The following SMIM10L1 variants were observed in gnomAD, a reference collection of about 807,000 sequenced individuals.
SMIM10L1 encodes the protein small integral membrane protein 10 like 1, also known as small integral membrane protein 10-like protein 1.
In SMIM10L1, 6 loss-of-function variants were observed where a neutral mutation model predicts 4.5. That is an observed-to-expected ratio of 1.33 (90% CI 0.73 to 2.62). SMIM10L1 has a LOEUF of 2.62. Among genes scored for constraint, SMIM10L1 ranks in the 30% most tolerant of loss-of-function variants. The pLI is 0.00. For missense variants in SMIM10L1, 66 were observed against 86.2 expected (o/e 0.77, Z 0.93); for synonymous variants, 49 against 42.2 (o/e 1.16, Z -0.63).
rs1166301654 is a variant in SMIM10L1, at chr12:11,174,854, ATT to A, written c.*3295_*3296del. 1 of 152,512 alleles carries A rather than the reference ATT, an allele frequency of 6.6e-6. No individual in the cohort carries two copies. The highest frequency in any genetic ancestry group is 1.5e-5 in the Non-Finnish European group (1 of 67,990). 9.4% of individuals were successfully genotyped at this position (152,512 alleles called of 1,614,324 possible). On this transcript the variant is annotated 3_prime_UTR_variant, in exon 1 of 1. Coordinates refer to ENST00000622602, the MANE Select transcript of SMIM10L1 (RefSeq NM_001271592.2). Reference sequence around the variant, plus strand: ...CTCACATATACCCTGTGAGGAAAACATTTTTATCATTTTTCAGAGAAGCAAAC... The same window carrying A: ...CTCACATATACCCTGTGAGGAAAACATTTATCATTTTTCAGAGAAGCAAAC...
At position 11,173,050 on chromosome 12, in the gene SMIM10L1, T is replaced by G. The variant is rs1416685984; in HGVS notation, c.*1487T>G. ...TAAAGTTTTAAATCAAGATCTGATA[T>G]AGAAAAGTGCAGAAAAAGTAGTATA... On this transcript the variant is annotated 3_prime_UTR_variant, in exon 1 of 1. Coordinates refer to ENST00000622602, the MANE Select transcript of SMIM10L1 (RefSeq NM_001271592.2). 1 of 151,938 alleles carries G rather than the reference T, an allele frequency of 6.6e-6. No homozygotes were observed. Among genetic ancestry groups the G allele is most frequent in the African/African-American group, 2.4e-5 (1 of 41,380 alleles). The allele number at this position is 151,938 out of a possible 1,614,324, so 9.4% of individuals were successfully genotyped here.
rs913344850 is a variant in SMIM10L1, at chr12:11,175,939, C to T, written c.*4376C>T. 4 of 152,126 alleles carry T rather than the reference C, an allele frequency of 2.6e-5. No homozygotes were observed. Among genetic ancestry groups the T allele is most frequent in the East Asian group, 1.9e-4 (1 of 5,190 alleles). The allele number at this position is 152,126 out of a possible 1,614,324, so 9.4% of individuals were successfully genotyped here. A position where few individuals can be genotyped will look rare whatever the true frequency, so the allele number is the denominator to read the frequency against. The stretch of plus-strand genomic sequence containing the variant: ...CAAGGAAATGAACCCTCACCAGATA[C>T]CAAATTTGTGAATGCCTGGATCTTG... On this transcript the variant is annotated 3_prime_UTR_variant, in exon 1 of 1. Transcript: ENST00000622602.
chr12:11,171,736 G>A lies in SMIM10L1; in HGVS notation c.*173G>A, dbSNP rs1424523599. The A allele has an allele frequency of 7.2e-6, 3 of 416,174 alleles. No individual in the cohort carries two copies. Among genetic ancestry groups the A allele is most frequent in the African/African-American group, 2.0e-5 (1 of 48,926 alleles). 25.8% of individuals were successfully genotyped at this position (416,174 alleles called of 1,614,324 possible). ...GGAGCTCCTCAGGGGGCGGCCGGGA[G>A]CCTACAATCCCTAGAAAGAGAATAC... On this transcript the variant is annotated 3_prime_UTR_variant, in exon 1 of 1. Coordinates refer to ENST00000622602, the MANE Select transcript of SMIM10L1 (RefSeq NM_001271592.2).
chr12:11,174,758 T>C lies in SMIM10L1; in HGVS notation c.*3195T>C, dbSNP rs1947924575. On this transcript the variant is annotated 3_prime_UTR_variant, in exon 1 of 1. Coordinates refer to ENST00000622602, the MANE Select transcript of SMIM10L1 (RefSeq NM_001271592.2). ...TAGCATATCATTACCATCAGCATCA[T>C]TTTTAAAATATATTGAGTTTTTAAT... is the stretch of plus-strand genomic sequence containing the variant. 1 of 152,358 alleles carries C rather than the reference T, an allele frequency of 6.6e-6. No homozygotes were observed. Among genetic ancestry groups the C allele is most frequent in the African/African-American group, 2.4e-5 (1 of 41,402 alleles). The allele number at this position is 152,358 out of a possible 1,614,324, so 9.4% of individuals were successfully genotyped here.
chr12:11,174,773 G>A lies in SMIM10L1; in HGVS notation c.*3210G>A, dbSNP rs1238347648. 6.6e-6 allele frequency: 1 copy of A among 151,238 alleles called. No individual in the cohort carries two copies. Among genetic ancestry groups the A allele is most frequent in the Non-Finnish European group, 1.5e-5 (1 of 67,740 alleles). The allele number at this position is 151,238 out of a possible 1,614,324, so 9.4% of individuals were successfully genotyped here. A position where few individuals can be genotyped will look rare whatever the true frequency, so the allele number is the denominator to read the frequency against. Reference sequence around the variant, plus strand: ...ATCAGCATCATTTTTAAAATATATTGAGTTTTTAATACCAGGAACTATGAA... The same window carrying A: ...ATCAGCATCATTTTTAAAATATATTAAGTTTTTAATACCAGGAACTATGAA... On this transcript the variant is annotated 3_prime_UTR_variant, in exon 1 of 1. Coordinates refer to ENST00000622602, the MANE Select transcript of SMIM10L1 (RefSeq NM_001271592.2).
rs1365735754 is a variant in SMIM10L1 at position 11,172,899 on chromosome 12, A to G, written c.*1336A>G. 6.6e-6 allele frequency: 1 copy of G among 152,146 alleles called. No homozygotes were observed. Among genetic ancestry groups the G allele is most frequent in the Non-Finnish European group, 1.5e-5 (1 of 68,010 alleles). 9.4% of individuals were successfully genotyped at this position (152,146 alleles called of 1,614,324 possible). ...TTCTATAACGCTGGGAGGATGGGAGAAAAGAGATGTGTGTGTGTGTAATGG... is the reference window on the plus strand; with the variant it reads ...TTCTATAACGCTGGGAGGATGGGAGGAAAGAGATGTGTGTGTGTGTAATGG... On this transcript the variant is annotated 3_prime_UTR_variant, in exon 1 of 1. Coordinates refer to ENST00000622602, the MANE Select transcript of SMIM10L1 (RefSeq NM_001271592.2).
In SMIM10L1 at chr12:11,171,664, G is replaced by C; in HGVS notation, c.*101G>C. On this transcript the variant is annotated 3_prime_UTR_variant, in exon 1 of 1. Transcript: ENST00000622602. ...AGCCAATGGCGAGCCCCACAGTCTCGCGAGAGTGCTCAGGCGCTCTTCGTG... is the reference window on the plus strand; with the variant it reads ...AGCCAATGGCGAGCCCCACAGTCTCCCGAGAGTGCTCAGGCGCTCTTCGTG... 10 of 861,844 alleles carry C rather than the reference G, an allele frequency of 1.2e-5. No individual in the cohort carries two copies. The highest frequency in any genetic ancestry group is 1.5e-5 in the Non-Finnish European group (10 of 650,230). 53.4% of individuals were successfully genotyped at this position (861,844 alleles called of 1,614,324 possible).
In SMIM10L1 at chr12:11,171,860, A is replaced by G; in HGVS notation, c.*297A>G. The G allele has an allele frequency of 3.8e-6, 1 of 264,912 alleles. No homozygotes were observed. Among genetic ancestry groups the G allele is most frequent in the Non-Finnish European group, 7.1e-6 (1 of 141,486 alleles). 16.4% of individuals were successfully genotyped at this position (264,912 alleles called of 1,614,324 possible). A position where few individuals can be genotyped will look rare whatever the true frequency, so the allele number is the denominator to read the frequency against. ...CGAATTTCAGAATGTGACAAAGCGC[A>G]GAGGATGCATTATTTCAAAACAAAA... On this transcript the variant is annotated 3_prime_UTR_variant, in exon 1 of 1. Coordinates refer to ENST00000622602, the MANE Select transcript of SMIM10L1 (RefSeq NM_001271592.2).
chr12:11,174,696 T>A lies in SMIM10L1; in HGVS notation c.*3133T>A, dbSNP rs78219648. On this transcript the variant is annotated 3_prime_UTR_variant, in exon 1 of 1. Coordinates refer to ENST00000622602, the MANE Select transcript of SMIM10L1 (RefSeq NM_001271592.2). ...AGGGGAAAAGTTGTTTTTTTTTTTT[T>A]AATTCTGGGTAAAAATACATGTGAT... is the stretch of plus-strand genomic sequence containing the variant. 0.24 allele frequency: 35,608 copies of A among 146,178 alleles called. 4,211 individuals are homozygous for A. The highest frequency in any genetic ancestry group is 0.25 in the Non-Finnish European group (16,655 of 65,590). The allele number at this position is 146,178 out of a possible 1,614,324, so 9.1% of individuals were successfully genotyped here.
chr12:11,171,497 GA>G lies in SMIM10L1; in HGVS notation c.143del (p.Asn48ThrfsTer11). 8.1e-7 allele frequency: 1 copy of G among 1,232,378 alleles called. No homozygotes were observed. The highest frequency in any genetic ancestry group is 1.0e-6 in the Non-Finnish European group (1 of 988,154). 76.3% of individuals were successfully genotyped at this position (1,232,378 alleles called of 1,614,324 possible). A position where few individuals can be genotyped will look rare whatever the true frequency, so the allele number is the denominator to read the frequency against. On this transcript the variant is annotated frameshift_variant, in exon 1 of 1. Transcript: ENST00000622602. LOFTEE classifies it high-confidence loss of function. The stretch of plus-strand genomic sequence containing the variant: ...TCGAGCTGGCCTGGCAGCTGCGCAT[GA>G]ACTTCCCGTACTTCTACGTCGCGGG... ...FFELAWQLRM[N>X]FPYFYVAGSV...
rs1356715090 is a variant in SMIM10L1, at chr12:11,175,867, CT to C, written c.*4306del. On this transcript the variant is annotated 3_prime_UTR_variant, in exon 1 of 1. Coordinates refer to ENST00000622602, the MANE Select transcript of SMIM10L1 (RefSeq NM_001271592.2). ...ATAAAGGAGACCCCAAAATAATTCC[CT>C]TACCCCTTTTGCCATGTAAGGTTAT... The C allele has an allele frequency of 6.6e-6, 1 of 152,152 alleles. No homozygotes were observed. Among genetic ancestry groups the C allele is most frequent in the Non-Finnish European group, 1.5e-5 (1 of 68,028 alleles). 9.4% of individuals were successfully genotyped at this position (152,152 alleles called of 1,614,324 possible).
In SMIM10L1 at chr12:11,174,070, G is replaced by T. The variant is rs1947913290; in HGVS notation, c.*2507G>T. 1 of 151,772 alleles carries T rather than the reference G, an allele frequency of 6.6e-6. No individual in the cohort carries two copies. The highest frequency in any genetic ancestry group is 1.5e-5 in the Non-Finnish European group (1 of 67,926). The allele number at this position is 151,772 out of a possible 1,614,324, so 9.4% of individuals were successfully genotyped here. A position where few individuals can be genotyped will look rare whatever the true frequency, so the allele number is the denominator to read the frequency against. On this transcript the variant is annotated 3_prime_UTR_variant, in exon 1 of 1. Transcript: ENST00000622602. ...TATATATATATATTAGGAGTTAAAT[G>T]TATTAGGAGGTAAATGTAAACTCTG...
In SMIM10L1 at chr12:11,171,365, C is replaced by G; in HGVS notation, c.9C>G (p.Pro3=). The change falls in exon 1 of 1, where the codon CCC becomes CCG. Residue 3 remains proline (P), a synonymous_variant. Transcript: ENST00000622602. ...GCGGCGACACCTGGCTCATGGCCCC[C>G]GCGGCGGCTCCGTCCTCCTTGGCCG... MA[P]AAAPSSLAVR... 3 of 1,231,810 alleles carry G rather than the reference C, an allele frequency of 2.4e-6. No individual in the cohort carries two copies. Among genetic ancestry groups the G allele is most frequent in the Non-Finnish European group, 3.0e-6 (3 of 987,752 alleles). 76.3% of individuals were successfully genotyped at this position (1,231,810 alleles called of 1,614,324 possible). A position where few individuals can be genotyped will look rare whatever the true frequency, so the allele number is the denominator to read the frequency against.
chr12:11,175,279 C>G lies in SMIM10L1; in HGVS notation c.*3716C>G, dbSNP rs1412834499. 2 of 152,088 alleles carry G rather than the reference C, an allele frequency of 1.3e-5. No homozygotes were observed. Among genetic ancestry groups the G allele is most frequent in the Non-Finnish European group, 2.9e-5 (2 of 68,006 alleles). 9.4% of individuals were successfully genotyped at this position (152,088 alleles called of 1,614,324 possible). On this transcript the variant is annotated 3_prime_UTR_variant, in exon 1 of 1. Transcript: ENST00000622602. Reference sequence around the variant, plus strand: ...GGAAGGGAAACACTTTCCTGTGCTACCCAGAGTAGAGATCAGACAATGTTA... The same window carrying G: ...GGAAGGGAAACACTTTCCTGTGCTAGCCAGAGTAGAGATCAGACAATGTTA...
rs1032585754 is a variant in SMIM10L1 at position 11,174,517 on chromosome 12, A to G, written c.*2954A>G. On this transcript the variant is annotated 3_prime_UTR_variant, in exon 1 of 1. Coordinates refer to ENST00000622602, the MANE Select transcript of SMIM10L1 (RefSeq NM_001271592.2). ...CGTTGATTGATCCAGAGATCCCTCAAGCATGAAAAAGCAGAGACATAGGTG... is the reference window on the plus strand; with the variant it reads ...CGTTGATTGATCCAGAGATCCCTCAGGCATGAAAAAGCAGAGACATAGGTG... The G allele has an allele frequency of 6.6e-6, 1 of 152,062 alleles. No individual in the cohort carries two copies. Among genetic ancestry groups the G allele is most frequent in the African/African-American group, 2.4e-5 (1 of 41,408 alleles). 9.4% of individuals were successfully genotyped at this position (152,062 alleles called of 1,614,324 possible).
chr12:11,172,801 C>T lies in SMIM10L1; in HGVS notation c.*1238C>T, dbSNP rs1002981587. On this transcript the variant is annotated 3_prime_UTR_variant, in exon 1 of 1. Transcript: ENST00000622602. Reference sequence around the variant, plus strand: ...ACACTGTATACACGGTATACCTCAACTGTGAATAATAGTAGTCATGTAAAG... The same window carrying T: ...ACACTGTATACACGGTATACCTCAATTGTGAATAATAGTAGTCATGTAAAG... 6.6e-6 allele frequency: 1 copy of T among 152,086 alleles called. No individual in the cohort carries two copies. Among genetic ancestry groups the T allele is most frequent in the Non-Finnish European group, 1.5e-5 (1 of 68,024 alleles). The allele number at this position is 152,086 out of a possible 1,614,324, so 9.4% of individuals were successfully genotyped here.
rs1370394891 is a variant in SMIM10L1, at chr12:11,175,380, T to C, written c.*3817T>C. ...GTTAGAAAATCTTGCAGTTTGCTTT[T>C]AATGGGAGATCTTTCTGGCAGGACA... On this transcript the variant is annotated 3_prime_UTR_variant, in exon 1 of 1. Transcript: ENST00000622602. The C allele has an allele frequency of 6.6e-6, 1 of 152,168 alleles. No individual in the cohort carries two copies. The highest frequency in any genetic ancestry group is 6.5e-5 in the Admixed American group (1 of 15,278). 9.4% of individuals were successfully genotyped at this position (152,168 alleles called of 1,614,324 possible). A position where few individuals can be genotyped will look rare whatever the true frequency, so the allele number is the denominator to read the frequency against.
chr12:11,173,506 C>T lies in SMIM10L1; in HGVS notation c.*1943C>T, dbSNP rs1347531940. The T allele has an allele frequency of 1.3e-5, 2 of 152,194 alleles. No individual in the cohort carries two copies. Among genetic ancestry groups the T allele is most frequent in the East Asian group, 1.9e-4 (1 of 5,198 alleles). 9.4% of individuals were successfully genotyped at this position (152,194 alleles called of 1,614,324 possible). On this transcript the variant is annotated 3_prime_UTR_variant, in exon 1 of 1. Transcript: ENST00000622602. ...ATATACCCAAGACAGGTTTCCTAGA[C>T]TGCGATAAGCCAAAACATTTTAGTC...
At position 11,171,680 on chromosome 12, in the gene SMIM10L1, G is replaced by T; in HGVS notation, c.*117G>T. On this transcript the variant is annotated 3_prime_UTR_variant, in exon 1 of 1. Transcript: ENST00000622602. ...CACAGTCTCGCGAGAGTGCTCAGGC[G>T]CTCTTCGTGGCTGCCCTCTTAGCTG... The T allele has an allele frequency of 2.9e-6, 2 of 688,990 alleles. No homozygotes were observed. The highest frequency in any genetic ancestry group is 4.1e-6 in the Non-Finnish European group (2 of 492,454). 42.7% of individuals were successfully genotyped at this position (688,990 alleles called of 1,614,324 possible).
Sources: gnomAD v4.1 joint callset for allele counts on GRCh38, gnomAD v4.1.1 for gene constraint, MANE v1.5 for transcripts, NCBI Gene and HGNC (gene_info 2026-07-23, HGNC 2026-07-21) for gene names.